Variants in RAB14 observed in about 807,000 individuals in gnomAD.
RAB14 encodes the protein ras-related protein Rab-14.
Under a neutral mutation model 31.1 loss-of-function variants are expected in RAB14, and 3 were observed. The ratio of observed to expected loss-of-function variants is 0.10; its 90% CI spans 0.04 to 0.25. The LOEUF is 0.25. Ranked by LOEUF, RAB14 falls within the 10% of genes least tolerant of loss-of-function variation. The pLI, the probability that RAB14 is intolerant of heterozygous loss-of-function variation, is 1.00. For synonymous variants in RAB14, 85 were observed against 84.9 expected (o/e 1.00, Z 0.00); for missense variants, 111 against 260.1 (o/e 0.43, Z 3.94).
intron 1 of RAB14, among the ~76,000 whole-genome samples, chr9:121,201,368 T>C (rs372982337): frequency 2.9e-3 from 439 of 152,142 alleles, no homozygotes; most frequent in African/African-American, 0.01. Flanking sequence ...CACCCTTCCC[T>C]GCACGCCTCG....
intron 1 of RAB14, among the ~76,000 whole-genome samples, chr9:121,200,671 T>C (rs907712140): frequency 6.6e-6 from 1 of 152,180 alleles, no homozygotes; most frequent in East Asian, 1.9e-4. Flanking sequence ...AATGGTCATG[T>C]CTGTAACCCT....
intron 5 of RAB14, 46 bp from the exon 6 acceptor site, chr9:121,183,444 T>G: frequency 1.4e-6 from 2 of 1,430,086 alleles, no homozygotes; most frequent in South Asian, 2.4e-5. Flanking sequence ...AAAGCAGTAA[T>G]TTAAACCAAC....
intron 7 of RAB14, 94 bp from the exon 8 acceptor site, chr9:121,181,667 T>G: frequency 2.1e-6 from 2 of 938,178 alleles, no homozygotes; most frequent in Non-Finnish European, 3.1e-6. Context: ...ACTGCCATGA[T>G]GTCTCCAACT....
chr9:121,188,539 CT>C (rs1177603783), intron 4 of RAB14, among the ~76,000 whole-genome samples: 1 of 150,566 alleles, frequency 6.6e-6, no homozygotes, highest in Non-Finnish European at 1.5e-5. Flanking sequence ...GGTACTAGTA[CT>C]AAAAAAAAAG....
chr9:121,192,158 G>T lies in RAB14; in HGVS notation c.106+13C>A, dbSNP rs760868759. 4 of 1,546,818 alleles carry T rather than the reference G, an allele frequency of 2.6e-6. No homozygotes were observed. Among genetic ancestry groups the T allele is most frequent in the Non-Finnish European group, 2.7e-6 (3 of 1,123,704 alleles). ...AGAAAACTATTAATGTTTACCTCAT[G>T]TATTGAACTTACATTTTTTTTCTGT... On this transcript the variant is annotated intron_variant, in intron 3 of 7. Transcript: ENST00000373840.
intron 1 of RAB14, among the ~76,000 whole-genome samples, chr9:121,194,626 C>T (rs979608886): frequency 6.6e-6 from 1 of 152,114 alleles, no homozygotes; most frequent in African/African-American, 2.4e-5. Context: ...TTAAAAAAAT[C>T]TGACTTACAG....
chr9:121,188,184 G>T (rs2053667915), intron 4 of RAB14, among the ~76,000 whole-genome samples: 1 of 151,816 alleles, frequency 6.6e-6, no homozygotes, highest in African/African-American at 2.4e-5. Context: ...AATTTTCTAA[G>T]TAAACAATGA....
Position 121,181,157 on chromosome 9 carries a change from G to T in RAB14, c.*239C>A. ...ACATACTTATCACGAGGACAAGGGG[G>T]AAAAAAAGTCTAGATTTACCATGCA... On this transcript the variant is annotated 3_prime_UTR_variant, in exon 8 of 8. Coordinates refer to ENST00000373840, the MANE Select transcript of RAB14 (RefSeq NM_016322.4). 2.7e-6 allele frequency: 1 copy of T among 365,606 alleles called. No homozygotes were observed. Among genetic ancestry groups the T allele is most frequent in the Non-Finnish European group, 4.8e-6 (1 of 206,774 alleles). The allele number at this position is 365,606 out of a possible 1,614,324, so 22.6% of individuals were successfully genotyped here. A position where few individuals can be genotyped will look rare whatever the true frequency, so the allele number is the denominator to read the frequency against.
At chr9:121,200,907 C>G (rs935950568) in intron 1 of RAB14, among the ~76,000 whole-genome samples, 2 of 152,196 alleles carry the variant, frequency 1.3e-5, no homozygotes, top group African/African-American at 4.8e-5. Flanking sequence ...TAAAACACTC[C>G]AGCTCTGTCG....
chr9:121,197,836 C>CA (rs61642005), intron 1 of RAB14, among the ~76,000 whole-genome samples: 6 of 151,948 alleles, frequency 3.9e-5, no homozygotes, highest in African/African-American at 7.3e-5. Flanking sequence ...ATTTTTACAG[C>CA]AAAAAACTGG....
chr9:121,184,737 G>A (rs2053650480), intron 5 of RAB14, among the ~76,000 whole-genome samples: 1 of 152,152 alleles, frequency 6.6e-6, no homozygotes, highest in Non-Finnish European at 1.5e-5. Context: ...TTTAAACAGT[G>A]TGGACAAAGT....
intron 1 of RAB14, among the ~76,000 whole-genome samples, chr9:121,197,341 C>T (rs1291941502): frequency 6.6e-6 from 1 of 152,136 alleles, no homozygotes; most frequent in Non-Finnish European, 1.5e-5. Context: ...ACTGGGGAAA[C>T]ATACCATTTC....
At chr9:121,185,832 G>A (rs1157620543) in intron 5 of RAB14, among the ~76,000 whole-genome samples, 1 of 152,072 alleles carries the variant, frequency 6.6e-6, no homozygotes, top group Non-Finnish European at 1.5e-5. Context: ...AAACACCTAG[G>A]TTTCCAGTTC....
At chr9:121,187,518 TAATA>T (rs1299756536) in intron 4 of RAB14, among the ~76,000 whole-genome samples, 1 of 152,096 alleles carries the variant, frequency 6.6e-6, no homozygotes, top group Non-Finnish European at 1.5e-5. Flanking sequence ...CACCTTTCCT[TAATA>T]ATTTAAAGAG....
chr9:121,190,066 G>GA (rs997074279), intron 4 of RAB14, among the ~76,000 whole-genome samples: 9 of 151,060 alleles, frequency 6.0e-5, no homozygotes, highest in South Asian at 2.1e-4. Context: ...CATTTTAAGA[G>GA]AAAAAAAAAT....
At position 121,180,741 on chromosome 9, in the gene RAB14, T is replaced by C. The variant is rs2053628255; in HGVS notation, c.*655A>G. The C allele has an allele frequency of 6.6e-6, 1 of 152,670 alleles. No homozygotes were observed. Among genetic ancestry groups the C allele is most frequent in the African/African-American group, 2.4e-5 (1 of 41,470 alleles). The allele number at this position is 152,670 out of a possible 1,614,324, so 9.5% of individuals were successfully genotyped here. On this transcript the variant is annotated 3_prime_UTR_variant, in exon 8 of 8. Transcript: ENST00000373840. ...GTTAGTTCGATTCCTTCAAATTTTA[T>C]ACATATTTACTTTCTGTTAAAGAGA...
intron 4 of RAB14, among the ~76,000 whole-genome samples, chr9:121,189,412 G>T (rs1186334733): frequency 1.3e-5 from 2 of 152,002 alleles, no homozygotes; most frequent in East Asian, 3.9e-4. Flanking sequence ...TTCTGCGTAG[G>T]CGGCCAGGTT....
intron 1 of RAB14, among the ~76,000 whole-genome samples, chr9:121,199,569 G>C (rs1376528682): frequency 6.6e-6 from 1 of 152,096 alleles, no homozygotes; most frequent in Admixed American, 6.5e-5. Context: ...ATTTGATATT[G>C]ATAAAAATGA....
rs191818564 is a variant in RAB14, at chr9:121,196,398, G to T, written c.-7-2979C>A. On this transcript the variant is annotated intron_variant, in intron 1 of 7. Coordinates refer to ENST00000373840, the MANE Select transcript of RAB14 (RefSeq NM_016322.4). ...TTGCAAACTAATAAGAAATACAATT[G>T]TGAGTTACTATTTATTGGGTACTTG... Among the ~76,000 whole-genome samples the T allele has an allele frequency of 3.1e-4, 47 of 152,302 alleles. 1 individual carries two copies. The South Asian group carries it at 5.4e-3, about 17-fold the overall frequency.
Sources: allele counts gnomAD v4.1 joint callset (sites outside exome capture counted in the v4.1 genomes callset), GRCh38; gene constraint gnomAD v4.1.1; transcripts MANE v1.5; gene names NCBI Gene and HGNC (gene_info 2026-07-23, HGNC 2026-07-21).